ZNF385B: variants seen among roughly 807,000 people sequenced by gnomAD.
ZNF385B encodes the protein zinc finger protein 533.
In ZNF385B, 23 loss-of-function variants were observed where a neutral mutation model predicts 39.2. The ratio of observed to expected loss-of-function variants is 0.59; its 90% CI spans 0.42 to 0.83. The LOEUF (loss-of-function observed/expected upper bound fraction) is 0.83, where lower values mean the gene tolerates loss of function less well. Among genes scored for constraint, ZNF385B ranks in the 40% least tolerant of loss-of-function variants. The pLI is 0.00. For synonymous variants in ZNF385B, 205 were observed against 222.6 expected (o/e 0.92, Z 0.70); for missense variants, 552 against 598.9 (o/e 0.92, Z 0.82).
chr2:179,665,737 C>T (rs544593770), intron 3 of ZNF385B, among the ~76,000 whole-genome samples: 14 of 152,184 alleles, frequency 9.2e-5, no homozygotes, highest in Admixed American at 3.3e-4. Context: ...GTTCAAATAA[C>T]GCAATGTAGG....
At chr2:179,578,774 A>C (rs914043844) in intron 3 of ZNF385B, among the ~76,000 whole-genome samples, 16 of 152,228 alleles carry the variant, frequency 1.1e-4, no homozygotes, top group African/African-American at 3.8e-4. Context: ...CTGATCACGA[A>C]TCAGAGGTAA....
chr2:179,693,832 T>C (rs1698528802), intron 3 of ZNF385B, among the ~76,000 whole-genome samples: 1 of 152,242 alleles, frequency 6.6e-6, no homozygotes, highest in Non-Finnish European at 1.5e-5. Context: ...ATCAGATGTT[T>C]GTCTGATTGT....
In ZNF385B at chr2:179,767,182, T is replaced by C. The variant is rs563843523; in HGVS notation, c.298+2321A>G. 2.0e-5 allele frequency among the ~76,000 whole-genome samples: 3 copies of C among 152,294 alleles called. No homozygotes were observed. The South Asian group carries it at 6.2e-4, about 32-fold the overall frequency. ...GATGCAGCTATCTCACAAGGGACTC[T>C]CAATGCCTAAGGGACAATCTGGGGG... On this transcript the variant is annotated intron_variant, in intron 3 of 9. Coordinates refer to ENST00000410066, the MANE Select transcript of ZNF385B (RefSeq NM_152520.6).
intron 3 of ZNF385B, among the ~76,000 whole-genome samples, chr2:179,572,799 G>A (rs1445060105): frequency 1.3e-5 from 2 of 152,042 alleles, no homozygotes; most frequent in Non-Finnish European, 2.9e-5. Context: ...TGCAAGGCCT[G>A]TGTGCTAGAC....
intron 3 of ZNF385B, among the ~76,000 whole-genome samples, chr2:179,662,588 A>G (rs1694625331): frequency 6.6e-6 from 1 of 152,132 alleles, no homozygotes; most frequent in South Asian, 2.1e-4. Context: ...GAATAGCAGT[A>G]GGATTATCTG....
At chr2:179,728,089 G>C (rs987383652) in intron 3 of ZNF385B, among the ~76,000 whole-genome samples, 54 of 152,052 alleles carry the variant, frequency 3.6e-4, no homozygotes, top group African/African-American at 1.3e-3. Context: ...TGTCAGATTT[G>C]ACTCTTTCAG....
In ZNF385B at chr2:179,498,577, C is replaced by G. The variant is rs7604858; in HGVS notation, c.553-15143G>C. Among the ~76,000 whole-genome samples, 453 of 151,912 alleles carry G rather than the reference C, an allele frequency of 3.0e-3. 2 individuals carry two copies. Among genetic ancestry groups the G allele is most frequent in the African/African-American group, 0.01 (425 of 41,502 alleles). On this transcript the variant is annotated intron_variant, in intron 5 of 9. Coordinates refer to ENST00000410066, the MANE Select transcript of ZNF385B (RefSeq NM_152520.6). ...ATATATGGAAATTAAACAATATGTT[C>G]CTGAATGATGAGTGGTTCAATGAAC...
At chr2:179,463,341 CCTCT>C (rs200876544) in intron 6 of ZNF385B, among the ~76,000 whole-genome samples, 6,295 of 82,606 alleles carry the variant, frequency 0.076, 159 homozygotes, top group Middle Eastern at 0.18. Context: ...TTCCACTTGG[CCTCT>C]CTATTTCTTT....
chr2:179,680,374 T>G (rs1262727700), intron 3 of ZNF385B, among the ~76,000 whole-genome samples: 1 of 152,172 alleles, frequency 6.6e-6, no homozygotes, highest in Non-Finnish European at 1.5e-5. Context: ...AAAAGGCTGA[T>G]TTTTAAAATA....
chr2:179,760,895 A>C lies in ZNF385B; in HGVS notation c.298+8608T>G, dbSNP rs558055078. ...TTTTTTACATTTAAATCTATAATTC[A>C]CTTTGAGTTAATATTTTTATATGGT... is the stretch of plus-strand genomic sequence containing the variant. On this transcript the variant is annotated intron_variant, in intron 3 of 9. Transcript: ENST00000410066. Among the ~76,000 whole-genome samples, 19 of 152,266 alleles carry C rather than the reference A, an allele frequency of 1.2e-4. 1 individual carries two copies. Among genetic ancestry groups the C allele is most frequent in the Non-Finnish European group, 2.2e-4 (15 of 68,030 alleles).
At position 179,732,770 on chromosome 2, in the gene ZNF385B, G is replaced by A. The variant is rs115738739; in HGVS notation, c.298+36733C>T. Among the ~76,000 whole-genome samples the A allele has an allele frequency of 8.1e-3, 1,240 of 152,242 alleles. 16 individuals carry two copies. The highest frequency in any genetic ancestry group is 0.027 in the African/African-American group (1,140 of 41,538). ...AAGGTAAGATCACCCAGTGTTATGC[G>A]TTTCTCCAACAGAGAACTAAATGTA... On this transcript the variant is annotated intron_variant, in intron 3 of 9. Coordinates refer to ENST00000410066, the MANE Select transcript of ZNF385B (RefSeq NM_152520.6).
intron 5 of ZNF385B, among the ~76,000 whole-genome samples, chr2:179,490,361 T>C (rs1362970970): frequency 6.6e-6 from 1 of 151,946 alleles, no homozygotes; most frequent in Non-Finnish European, 1.5e-5. Flanking sequence ...AATCACATTA[T>C]CAGAAAACTT....
intron 9 of ZNF385B, 131 bp downstream of exon 9, chr2:179,444,745 T>C (rs2049296572): frequency 2.6e-6 from 2 of 765,976 alleles, no homozygotes; most frequent in East Asian, 5.0e-5. Context: ...ATTCTAAAAC[T>C]TCTGTCTATG....
chr2:179,714,683 C>T (rs559560550), intron 3 of ZNF385B, among the ~76,000 whole-genome samples: 15 of 152,146 alleles, frequency 9.9e-5, no homozygotes, highest in South Asian at 6.2e-4. Flanking sequence ...TGGTGGCTCA[C>T]GCCTGTAATC....
At chr2:179,536,525 C>G (rs988673591) in intron 4 of ZNF385B, 1 of 152,168 alleles carries the variant, frequency 6.6e-6, no homozygotes, top group African/African-American at 2.4e-5. Flanking sequence ...TTTTCACAGG[C>G]TCCTGAAATT....
At chr2:179,597,766 C>G (rs975895865) in intron 3 of ZNF385B, among the ~76,000 whole-genome samples, 1 of 152,060 alleles carries the variant, frequency 6.6e-6, no homozygotes, top group Non-Finnish European at 1.5e-5. Flanking sequence ...GTCTTACAGT[C>G]AGAAAAAGAA....
intron 1 of ZNF385B, among the ~76,000 whole-genome samples, chr2:179,792,375 C>CTTTTTTTTTTTTTTTTTT (rs374147864): frequency 2.9e-4 from 36 of 124,120 alleles, no homozygotes; most frequent in Non-Finnish European, 4.1e-4. Flanking sequence ...ATTTTCTTTT[C>CTTTTTTTTTTTTTTTTTT]TTTTTTTTTT....
At chr2:179,569,667 C>T (rs1354568253) in intron 3 of ZNF385B, among the ~76,000 whole-genome samples, 1 of 152,164 alleles carries the variant, frequency 6.6e-6, no homozygotes, top group African/African-American at 2.4e-5. Flanking sequence ...CAGAACTCAC[C>T]TTACTATATA....
At chr2:179,544,494 T>G (rs915103362) in intron 4 of ZNF385B, among the ~76,000 whole-genome samples, 1 of 152,138 alleles carries the variant, frequency 6.6e-6, no homozygotes, top group East Asian at 1.9e-4. Context: ...AGTCTTGGTA[T>G]CTCTAAATTG....
Sources: allele counts gnomAD v4.1 joint callset (sites outside exome capture counted in the v4.1 genomes callset), GRCh38; gene constraint gnomAD v4.1.1; transcripts MANE v1.5; gene names NCBI Gene and HGNC (gene_info 2026-07-23, HGNC 2026-07-21).